The following NUP210L variants were observed in gnomAD, a reference collection of about 807,000 sequenced individuals.
The protein encoded by NUP210L is nucleoporin 210 like.
In NUP210L, 74 loss-of-function variants were observed where a neutral mutation model predicts 208.5. The ratio of observed to expected loss-of-function variants is 0.35; its 90% CI spans 0.29 to 0.43. The LOEUF is 0.43. Among genes scored for constraint, NUP210L ranks in the 20% least tolerant of loss-of-function variants. NUP210L has a pLI of 1.00. For missense variants in NUP210L, 1,843 were observed against 2,289.4 expected (o/e 0.81, Z 3.98); for synonymous variants, 780 against 816.9 (o/e 0.95, Z 0.77).
At position 154,015,953 on chromosome 1, in the gene NUP210L, TAAAA is replaced by T. The variant is rs869225537; in HGVS notation, c.4653+2976_4653+2979del. ...ATAAATAAATAAATAAATAAATAAA[TAAAA>T]ATAAAAAAAATAGATGGCTAGGTGC... On this transcript the variant is annotated intron_variant, in intron 33 of 39. Coordinates refer to ENST00000368559, the Ensembl canonical transcript of NUP210L. Among the ~76,000 whole-genome samples the T allele has an allele frequency of 7.9e-3, 1,076 of 136,848 alleles. 21 individuals carry two copies. The highest frequency in any genetic ancestry group is 0.027 in the African/African-American group (1,010 of 36,788). The allele number at this position is 136,848 out of a possible 152,430, so 89.8% of individuals were successfully genotyped here.
chr1:154,000,789 G>A (rs1004799736), intron 37 of NUP210L, 67 bp downstream of exon 37: 56 of 1,364,972 alleles, frequency 4.1e-5, no homozygotes, highest in Non-Finnish European at 5.6e-5. Context: ...CAGATGGGGG[G>A]TACTAATGTA....
At chr1:154,067,456 A>G (rs1372573846) in intron 17 of NUP210L, among the ~76,000 whole-genome samples, 1 of 152,154 alleles carries the variant, frequency 6.6e-6, no homozygotes, top group Non-Finnish European at 1.5e-5. Flanking sequence ...AAATAATAAG[A>G]GCTATTTATG....
chr1:154,006,946 G>GTGTGTGTATATATA (rs767785200), intron 35 of NUP210L, among the ~76,000 whole-genome samples: 5 of 95,424 alleles, frequency 5.2e-5, no homozygotes, highest in East Asian at 6.1e-4. Context: ...GTGTGTGTGT[G>GTGTGTGTATATATA]TATATATATA....
intron 38 of NUP210L, 21 bp downstream of exon 38, chr1:153,995,055 T>C (rs760380099): frequency 1.2e-5 from 18 of 1,468,322 alleles, no homozygotes; most frequent in Non-Finnish European, 1.5e-5. Context: ...AAGTCTATGT[T>C]ATTGAATATA....
At chr1:153,996,257 A>C (rs896745048) in intron 37 of NUP210L, among the ~76,000 whole-genome samples, 4 of 152,112 alleles carry the variant, frequency 2.6e-5, no homozygotes, top group Admixed American at 2.0e-4. Context: ...TCTCCACTGC[A>C]CTCCAGCCTG....
At chr1:154,125,680 A>G (rs1557994787) in intron 10 of NUP210L, among the ~76,000 whole-genome samples, 10 of 5,326 alleles carry the variant, frequency 1.9e-3, no homozygotes, top group African/African-American at 3.1e-3. Context: ...GAAGGAAGGA[A>G]GGAAGGAAGG....
chr1:154,017,699 T>A (rs897729262), intron 33 of NUP210L, among the ~76,000 whole-genome samples: 1 of 151,798 alleles, frequency 6.6e-6, no homozygotes, highest in Admixed American at 6.6e-5. Context: ...GTATTTTTAG[T>A]AGAGACGGGG....
intron 11 of NUP210L, 45 bp downstream of exon 11, chr1:154,118,626 G>A: frequency 7.8e-7 from 1 of 1,276,952 alleles, no homozygotes; most frequent in Non-Finnish European, 1.0e-6. Context: ...TAAGCTATTA[G>A]AGAAACCGGC....
chr1:154,090,536 T>G (rs1655850299), intron 15 of NUP210L, among the ~76,000 whole-genome samples: 1 of 152,064 alleles, frequency 6.6e-6, no homozygotes. Context: ...AAAGGCCCAG[T>G]GCGGTGGCTC....
intron 33 of NUP210L, among the ~76,000 whole-genome samples, chr1:154,017,657 C>T (rs980149060): frequency 2.0e-5 from 3 of 151,502 alleles, no homozygotes; most frequent in African/African-American, 7.3e-5. Flanking sequence ...GCTGGGATTA[C>T]AGGTGTGTGC....
In NUP210L at chr1:154,011,349, G is replaced by A. The variant is rs566610305; in HGVS notation, c.4780+895C>T. ...AGCAATTCTCCTGCCTCAGCCTCCC[G>A]AGTAGCTGGGATTACAGGCACCCGC... On this transcript the variant is annotated intron_variant, in intron 34 of 39. Coordinates refer to ENST00000368559, the Ensembl canonical transcript of NUP210L. Among the ~76,000 whole-genome samples, 53 of 149,346 alleles carry A rather than the reference G, an allele frequency of 3.5e-4. 1 individual carries two copies. The highest frequency in any genetic ancestry group is 1.8e-3 in the Admixed American group (27 of 14,854).
At chr1:154,110,230 T>G (rs1197038422) in intron 12 of NUP210L, among the ~76,000 whole-genome samples, 1 of 147,000 alleles carries the variant, frequency 6.8e-6, no homozygotes, top group Non-Finnish European at 1.5e-5. Flanking sequence ...AGCAAAACTC[T>G]GTCTCAAAAA....
chr1:154,010,185 T>C (rs918638029), intron 34 of NUP210L, 64 bp from the exon 35 acceptor site: 14 of 1,494,168 alleles, frequency 9.4e-6, no homozygotes, highest in Non-Finnish European at 1.3e-5. Context: ...AGAGAGACCA[T>C]TATATGGAGG....
At chr1:154,093,573 G>A (rs991200634) in intron 15 of NUP210L, among the ~76,000 whole-genome samples, 13 of 152,122 alleles carry the variant, frequency 8.5e-5, no homozygotes, top group Admixed American at 1.3e-4. Context: ...AGCTACGATC[G>A]TTCCACTACA....
At chr1:154,060,164 GGGAGGT>G (rs1240225499) in intron 20 of NUP210L, among the ~76,000 whole-genome samples, 1 of 152,090 alleles carries the variant, frequency 6.6e-6, no homozygotes, top group Non-Finnish European at 1.5e-5. Flanking sequence ...GTTTGAACCT[GGGAGGT>G]GGAGGTTGCA....
intron 12 of NUP210L, among the ~76,000 whole-genome samples, chr1:154,115,080 G>A (rs1262122650): frequency 6.6e-6 from 1 of 152,166 alleles, no homozygotes; most frequent in East Asian, 1.9e-4. Context: ...CTTAACTGAA[G>A]TTTTTGCCTT....
At position 154,014,005 on chromosome 1, in the gene NUP210L, T is replaced by A. The variant is rs1028153544; in HGVS notation, c.4654-1635A>T. Among the ~76,000 whole-genome samples, 3 of 152,116 alleles carry A rather than the reference T, an allele frequency of 2.0e-5. No homozygotes were observed. In the East Asian group the frequency reaches 5.8e-4, roughly 29 times the overall value. The stretch of plus-strand genomic sequence containing the variant: ...GTCTCGAACTCCTGACCTCAAGGGA[T>A]CCACTGACCTCGGCCTCTAAAAGTG... On this transcript the variant is annotated intron_variant, in intron 33 of 39. Coordinates refer to ENST00000368559, the Ensembl canonical transcript of NUP210L.
At chr1:154,075,039 C>T (rs1654964600) in intron 16 of NUP210L, among the ~76,000 whole-genome samples, 1 of 152,146 alleles carries the variant, frequency 6.6e-6, no homozygotes. Flanking sequence ...CACCATTACT[C>T]TTTGAGCACT....
intron 12 of NUP210L, among the ~76,000 whole-genome samples, chr1:154,112,185 T>C (rs56084139): frequency 0.011 from 1,705 of 151,264 alleles, 46 homozygotes; most frequent in African/African-American, 0.041. Flanking sequence ...CCTCAGCCTC[T>C]CAAAGTGCTA....
Sources: gnomAD v4.1 joint callset for allele counts (sites outside exome capture counted in the v4.1 genomes callset) on GRCh38, gnomAD v4.1.1 for gene constraint, MANE v1.5 for transcripts, NCBI Gene and HGNC (gene_info 2026-07-23, HGNC 2026-07-21) for gene names.